Variants in INO80 observed in about 807,000 individuals in gnomAD.
INO80 encodes chromatin-remodeling ATPase INO80.
INO80 carries 20 observed loss-of-function variants against 203.4 expected under a neutral mutation model. That is an observed-to-expected ratio of 0.10 (90% CI 0.07 to 0.14). The LOEUF is 0.14. Among genes scored for constraint, INO80 ranks in the 10% least tolerant of loss-of-function variants. The pLI is 1.00. For missense variants in INO80, 1,419 were observed against 1,914.4 expected (o/e 0.74, Z 4.83); for synonymous variants, 726 against 685.2 (o/e 1.06, Z -0.93).
In INO80 at chr15:41,020,153, G is replaced by A. The variant is rs573792937; in HGVS notation, c.3274+747C>T. 3.9e-5 allele frequency among the ~76,000 whole-genome samples: 6 copies of A among 152,124 alleles called. No homozygotes were observed. In the East Asian group the frequency reaches 7.7e-4, roughly 20 times the overall value. On this transcript the variant is annotated intron_variant, in intron 26 of 35. Coordinates refer to ENST00000648947, the MANE Select transcript of INO80 (RefSeq NM_017553.3). ...GGAGAATGGCTTGAACCCAGGAGGC[G>A]GGGCTTGCAGTGAGCCGAGATCACG...
chr15:40,993,554 T>A (rs2043842498), intron 29 of INO80, among the ~76,000 whole-genome samples: 1 of 151,872 alleles, frequency 6.6e-6, no homozygotes, highest in Non-Finnish European at 1.5e-5. Context: ...GGTCAGGAGT[T>A]TTGAGACCAG....
chr15:41,046,169 GTGTGTGTC>G, intron 23 of INO80, among the ~76,000 whole-genome samples: 1 of 116,310 alleles, frequency 8.6e-6, no homozygotes, highest in East Asian at 2.9e-4. Flanking sequence ...GTCTGTGTGT[GTGTGTGTC>G]TGTGTGTGTC....
rs941114687 is a variant in INO80 at position 41,083,032 on chromosome 15, C to T, written c.874-1959G>A. Among the ~76,000 whole-genome samples, 228 of 151,986 alleles carry T rather than the reference C, an allele frequency of 1.5e-3. 1 individual carries two copies. The highest frequency in any genetic ancestry group is 5.2e-3 in the African/African-American group (216 of 41,354). On this transcript the variant is annotated intron_variant, in intron 7 of 35. Coordinates refer to ENST00000648947, the MANE Select transcript of INO80 (RefSeq NM_017553.3). Reference sequence around the variant, plus strand: ...GTGCAGTGGCTCACGTCTGCAATCCCGGCACTATGGGAGGCCGAGGCGCAC... The same window carrying T: ...GTGCAGTGGCTCACGTCTGCAATCCTGGCACTATGGGAGGCCGAGGCGCAC...
chr15:41,013,050 C>G (rs1422124342), intron 27 of INO80: 2 of 150,466 alleles, frequency 1.3e-5, no homozygotes, highest in Non-Finnish European at 3.0e-5. Context: ...CAGAAACAGA[C>G]AGCCAGCCAT....
chr15:41,082,328 T>C (rs564465955), intron 7 of INO80, among the ~76,000 whole-genome samples: 2 of 148,580 alleles, frequency 1.3e-5, no homozygotes, highest in East Asian at 2.0e-4. Flanking sequence ...CTTTGGGAGG[T>C]TGAGGCAGGA....
chr15:41,027,581 T>C lies in INO80; in HGVS notation c.3048+15A>G. ...ATTGCCATCTATTTCATCTCTTCCCTCCTGGAGCACTTACTCGTGGACTGG... is the reference window on the plus strand; with the variant it reads ...ATTGCCATCTATTTCATCTCTTCCCCCCTGGAGCACTTACTCGTGGACTGG... On this transcript the variant is annotated intron_variant, in intron 25 of 35. Transcript: ENST00000648947. 6.3e-7 allele frequency: 1 copy of C among 1,588,742 alleles called. No individual in the cohort carries two copies. Among genetic ancestry groups the C allele is most frequent in the Middle Eastern group, 1.7e-4 (1 of 5,958 alleles).
intron 12 of INO80, among the ~76,000 whole-genome samples, chr15:41,071,270 A>C (rs1348869435): frequency 6.6e-6 from 1 of 152,108 alleles, no homozygotes; most frequent in Non-Finnish European, 1.5e-5. Flanking sequence ...TTATACTTTA[A>C]GTTCTAGGGT....
At chr15:40,981,107 T>C (rs1200047442) in intron 35 of INO80, among the ~76,000 whole-genome samples, 5 of 152,224 alleles carry the variant, frequency 3.3e-5, no homozygotes, top group African/African-American at 9.6e-5. Flanking sequence ...AATTGTTTCA[T>C]ATGTACTGGT....
intron 9 of INO80, among the ~76,000 whole-genome samples, chr15:41,077,982 C>A (rs2045430673): frequency 6.6e-6 from 1 of 151,288 alleles, no homozygotes; most frequent in Non-Finnish European, 1.5e-5. Flanking sequence ...CTCACTGCAA[C>A]CTCCACCTCC....
chr15:41,114,343 T>C (rs2045998266), intron 1 of INO80, among the ~76,000 whole-genome samples: 1 of 151,504 alleles, frequency 6.6e-6, no homozygotes, highest in Non-Finnish European at 1.5e-5. Flanking sequence ...TGATCTCAAA[T>C]TGTTTTATAG....
intron 10 of INO80, 109 bp from the exon 11 acceptor site, chr15:41,073,604 T>A: frequency 1.1e-6 from 1 of 916,132 alleles, no homozygotes; most frequent in South Asian, 1.3e-5. Context: ...TACTTATCCC[T>A]GGGTTCACGG....
At chr15:41,050,182 C>T in intron 19 of INO80, 80 bp from the exon 20 acceptor site, 1 of 895,946 alleles carries the variant, frequency 1.1e-6, no homozygotes, top group Non-Finnish European at 1.8e-6. Context: ...TGAAAACACA[C>T]ACAAACCATA....
At position 40,987,842 on chromosome 15, in the gene INO80, G is replaced by T; in HGVS notation, c.3703C>A (p.Leu1235Met). Residue 1235 changes from leucine to methionine, a missense_variant, in exon 30 of 36, where the codon CTG becomes ATG. This residue lies in a region of INO80 where 65 missense variants were observed against 186.7 expected (regional missense o/e 0.35). Coordinates refer to ENST00000648947, the MANE Select transcript of INO80 (RefSeq NM_017553.3). ...ICKGTIEERILQRAKEKSEIQ... is the reference protein window; with the variant it reads ...ICKGTIEERIMQRAKEKSEIQ... ...TCACTCTTCTCCTTGGCTCTTTGCA[G>T]AATGCGTTCTTCAATGGTGCCTTTA... The T allele has an allele frequency of 6.2e-7, 1 of 1,614,150 alleles. No individual in the cohort carries two copies. Among genetic ancestry groups the T allele is most frequent in the Admixed American group, 1.7e-5 (1 of 60,020 alleles).
Position 40,979,780 on chromosome 15 carries a change from T to G in INO80, c.*443A>C, listed in dbSNP as rs1002369551. On this transcript the variant is annotated 3_prime_UTR_variant, in exon 36 of 36. Transcript: ENST00000648947. ...GTGGACAACAGGTATACAATCTCCC[T>G]TACTAGCCCTATGAGAAATCACACT... The G allele has an allele frequency of 5.1e-6, 1 of 196,926 alleles. No individual in the cohort carries two copies. Among genetic ancestry groups the G allele is most frequent in the African/African-American group, 2.3e-5 (1 of 42,882 alleles). The allele number at this position is 196,926 out of a possible 1,614,324, so 12.2% of individuals were successfully genotyped here.
chr15:41,049,621 C>A (rs73401688), intron 20 of INO80, among the ~76,000 whole-genome samples: 2 of 152,130 alleles, frequency 1.3e-5, no homozygotes, highest in Non-Finnish European at 1.5e-5. Context: ...CAAGGCCAGG[C>A]GCAGTGGCTC....
chr15:41,088,914 C>T (rs1341277902), intron 5 of INO80, among the ~76,000 whole-genome samples: 4 of 151,826 alleles, frequency 2.6e-5, no homozygotes, highest in Admixed American at 6.6e-5. Flanking sequence ...CTCAGCTGGG[C>T]GCCATGGCTC....
intron 5 of INO80, 130 bp from the exon 6 acceptor site, chr15:41,087,812 T>C (rs2045583552): frequency 1.4e-5 from 11 of 813,048 alleles, no homozygotes; most frequent in South Asian, 1.3e-4. Flanking sequence ...AAGAGATCAG[T>C]AACATCTAGT....
chr15:41,100,033 G>A (rs776359083), intron 1 of INO80, among the ~76,000 whole-genome samples: 3 of 152,034 alleles, frequency 2.0e-5, no homozygotes, highest in Non-Finnish European at 4.4e-5. Context: ...AATTAAGGAG[G>A]TATGACTACC....
intron 9 of INO80, among the ~76,000 whole-genome samples, chr15:41,076,430 G>A (rs1168230000): frequency 2.0e-5 from 3 of 149,496 alleles, no homozygotes; most frequent in Non-Finnish European, 4.4e-5. Context: ...TACAAAAAAC[G>A]AATATAGACT....
Sources: gnomAD v4.1 joint callset for allele counts (sites outside exome capture counted in the v4.1 genomes callset) on GRCh38, gnomAD v4.1.1 for gene constraint, gnomAD v4.1.1 regional missense constraint, MANE v1.5 for transcripts, NCBI Gene and HGNC (gene_info 2026-07-23, HGNC 2026-07-21) for gene names.